The following ZNF723 variants were observed in gnomAD, a reference collection of about 807,000 sequenced individuals.
ZNF723 encodes the protein zinc finger protein 723, pseudogene.
A neutral mutation model predicts 9.4 loss-of-function variants in ZNF723; 5 were observed. The observed-to-expected ratio is 0.53, with a 90% CI of 0.28 to 1.12. The LOEUF (loss-of-function observed/expected upper bound fraction) is 1.12. ZNF723 is among the 50% of genes most tolerant of loss of function. The pLI, the probability that ZNF723 is intolerant of heterozygous loss-of-function variation, is 0.10. For missense variants in ZNF723, 450 were observed against 501.5 expected, an observed-to-expected ratio of 0.90 and a Z score of 0.98; for synonymous variants, 158 against 168.8, an observed-to-expected ratio of 0.94 and a Z score of 0.49.
chr19:22,832,460 C>G (rs1268872116), intron 1 of ZNF723, 78 bp downstream of exon 1: 1 of 1,285,282 alleles, frequency 7.8e-7, no homozygotes, highest in African/African-American at 1.5e-5. Flanking sequence ...TGGCGGGACT[C>G]AGGCCTCCCT....
At chr19:22,829,662 A>G (rs534435776), upstream of ZNF723, among the ~76,000 whole-genome samples, 11 of 152,324 alleles carry the variant, frequency 7.2e-5, no homozygotes, top group African/African-American at 2.4e-4. Flanking sequence ...TGAGAAGATG[A>G]CCAAAAGGGA....
intron 1 of ZNF723, among the ~76,000 whole-genome samples, chr19:22,838,826 C>A (rs1237723040): frequency 6.6e-6 from 1 of 152,140 alleles, no homozygotes; most frequent in Non-Finnish European, 1.5e-5. Flanking sequence ...CTGCTCACCG[C>A]AACCTCTGCC....
chr19:22,852,936 T>C (rs2145228628), intron 3 of ZNF723, among the ~76,000 whole-genome samples: 1 of 152,240 alleles, frequency 6.6e-6, no homozygotes, highest in Non-Finnish European at 1.5e-5. Flanking sequence ...TTGCATAATA[T>C]CATCAAGCTT....
chr19:22,830,605 C>G (rs429998), upstream of ZNF723, among the ~76,000 whole-genome samples: 56,465 of 151,812 alleles, frequency 0.37, 10,955 homozygotes, highest in African/African-American at 0.51. Flanking sequence ...ATCTATGGGG[C>G]AGCATTGATC....
chr19:22,817,334 A>G, the ZNF723 span, among the ~76,000 whole-genome samples: 1 of 152,224 alleles, frequency 6.6e-6, no homozygotes, highest in Admixed American at 6.5e-5. Flanking sequence ...TCACTGCACC[A>G]AACACCAAAG....
chr19:22,851,179 C>T (rs200458843), intron 3 of ZNF723, among the ~76,000 whole-genome samples: 1 of 130,430 alleles, frequency 7.7e-6, no homozygotes, highest in Non-Finnish European at 1.7e-5. Context: ...TTATTTATTA[C>T]TATTTTTTTT....
At chr19:22,856,833 T>C (rs1274080920) in intron 3 of ZNF723, among the ~76,000 whole-genome samples, 1 of 152,190 alleles carries the variant, frequency 6.6e-6, no homozygotes, top group East Asian at 1.9e-4. Context: ...CTCTTTGCTA[T>C]ATTGGGGAGC....
chr19:22,813,281 T>C, the ZNF723 span, among the ~76,000 whole-genome samples: 1 of 152,216 alleles, frequency 6.6e-6, no homozygotes, highest in Non-Finnish European at 1.5e-5. Context: ...TTGTGACATA[T>C]GTCTCTGCTT....
the ZNF723 span, among the ~76,000 whole-genome samples, chr19:22,825,681 C>T: frequency 6.6e-6 from 1 of 152,218 alleles, no homozygotes; most frequent in Non-Finnish European, 1.5e-5. Flanking sequence ...GACTCTCCTC[C>T]CATGTCTGGG....
chr19:22,812,325 C>T, the ZNF723 span, among the ~76,000 whole-genome samples: 4 of 152,182 alleles, frequency 2.6e-5, no homozygotes, highest in Non-Finnish European at 4.4e-5. Flanking sequence ...GTCACCCTCA[C>T]GCATGAACAG....
chr19:22,827,420 C>CA, upstream of ZNF723, among the ~76,000 whole-genome samples: 1 of 139,570 alleles, frequency 7.2e-6, no homozygotes, highest in Admixed American at 7.1e-5. Context: ...AGCATGGTTT[C>CA]AACTATTTTT....
upstream of ZNF723, among the ~76,000 whole-genome samples, chr19:22,831,901 T>C (rs1038601173): frequency 2.0e-5 from 3 of 148,636 alleles, no homozygotes; most frequent in Admixed American, 2.0e-4. Flanking sequence ...AGAGCGAGAC[T>C]CTGTCTCAAA....
Position 22,858,563 on chromosome 19 carries a change from T to A in ZNF723, c.*130T>A. The A allele has an allele frequency of 5.6e-6, 3 of 538,656 alleles. No individual in the cohort carries two copies. Among genetic ancestry groups the A allele is most frequent in the Non-Finnish European group, 9.7e-6 (3 of 309,860 alleles). The allele number at this position is 538,656 out of a possible 1,614,324, so 33.4% of individuals were successfully genotyped here. A position where few individuals can be genotyped will look rare whatever the true frequency, so the allele number is the denominator to read the frequency against. On this transcript the variant is annotated 3_prime_UTR_variant, in exon 4 of 4. Transcript: ENST00000600766. ...CGGGCAGATCACCTGAGGTCAGGAG[T>A]TCGAGACCAACCTAACATGGTGAAA... is the stretch of plus-strand genomic sequence containing the variant.
At chr19:22,818,071 C>T in the ZNF723 span, among the ~76,000 whole-genome samples, 1 of 152,164 alleles carries the variant, frequency 6.6e-6, no homozygotes, top group Non-Finnish European at 1.5e-5. Context: ...CTAAACCTAG[C>T]TAATAGGCAG....
At chr19:22,821,119 G>A in the ZNF723 span, among the ~76,000 whole-genome samples, 1 of 152,330 alleles carries the variant, frequency 6.6e-6, no homozygotes, top group African/African-American at 2.4e-5. Flanking sequence ...CCACCATTAA[G>A]ACGGTGACTC....
At chr19:22,832,228 A>G (rs1237765045), upstream of ZNF723, 3 of 857,152 alleles carry the variant, frequency 3.5e-6, no homozygotes, top group African/African-American at 1.7e-5. Context: ...ATGCTTGACT[A>G]AGAGCCGTCC....
the ZNF723 span, among the ~76,000 whole-genome samples, chr19:22,827,102 C>G: frequency 6.6e-6 from 1 of 152,186 alleles, no homozygotes; most frequent in South Asian, 2.1e-4. Context: ...GGAATTTATC[C>G]CCCAAAATAG....
chr19:22,817,006 C>T, the ZNF723 span, among the ~76,000 whole-genome samples: 3 of 152,204 alleles, frequency 2.0e-5, no homozygotes, highest in Non-Finnish European at 4.4e-5. Context: ...TGGGCTGTGC[C>T]CAATGAGGAA....
In ZNF723 at chr19:22,857,151, C is replaced by T. The variant is rs1350583662; in HGVS notation, c.260C>T (p.Pro87Leu). The change falls in exon 4 of 4, where the codon CCA (proline) becomes CTA (leucine). Residue 87 changes from proline to leucine, a missense_variant. Around this residue, in one of 5 missense-constraint regions of ZNF723, gnomAD observed 143 missense variants for 101.3 expected, o/e 1.41. Coordinates refer to ENST00000600766, the MANE Select transcript of ZNF723 (RefSeq NM_001349726.2). ...TCTCATTTTGCCCAAGACCTTTGGC[C>T]AGAGCAGGGCATAAAAGATTCTTTC... ...VCSHFAQDLW[P>L]EQGIKDSFQK... The T allele has an allele frequency of 2.0e-6, 2 of 1,003,420 alleles. No homozygotes were observed. Among genetic ancestry groups the T allele is most frequent in the East Asian group, 4.8e-5 (2 of 41,522 alleles). The allele number at this position is 1,003,420 out of a possible 1,614,324, so 62.2% of individuals were successfully genotyped here.
Sources: allele counts gnomAD v4.1 joint callset (sites outside exome capture counted in the v4.1 genomes callset), GRCh38; gene constraint gnomAD v4.1.1; regional missense constraint gnomAD v4.1.1; transcripts MANE v1.5; gene names NCBI Gene and HGNC (gene_info 2026-07-23, HGNC 2026-07-21).